The following MYH11 variants were observed in gnomAD, a reference collection of about 807,000 sequenced individuals.
MYH11 encodes myosin-11.
In MYH11, 80 loss-of-function variants were observed where a neutral mutation model predicts 246.6. The ratio of observed to expected loss-of-function variants is 0.32; its 90% confidence interval spans 0.27 to 0.39. The LOEUF is 0.39. MYH11 is among the 10% of genes least tolerant of loss of function. The pLI is 1.00. For synonymous variants in MYH11, 1,071 were observed against 1,015.5 expected (o/e 1.05, Z -1.04); for missense variants, 2,158 against 2,546.8 (o/e 0.85, Z 3.29).
intron 3 of MYH11, among the ~76,000 whole-genome samples, chr16:15,819,112 T>C (rs1019229838): frequency 6.6e-6 from 1 of 152,088 alleles, no homozygotes; most frequent in African/African-American, 2.4e-5. Flanking sequence ...TGGCCTCAAG[T>C]GATCCTCCTG....
chr16:15,707,677 A>G (rs1464194975), intron 40 of MYH11, among the ~76,000 whole-genome samples: 1 of 152,210 alleles, frequency 6.6e-6, no homozygotes, highest in East Asian at 1.9e-4. Context: ...TCAGATCCAC[A>G]TGGCCTAACT....
At chr16:15,788,538 G>T (rs935594999) in intron 4 of MYH11, among the ~76,000 whole-genome samples, 1 of 151,338 alleles carries the variant, frequency 6.6e-6, no homozygotes, top group African/African-American at 2.4e-5. Flanking sequence ...TAGAAGAAAA[G>T]AAAAAAGAAA....
chr16:15,761,203 C>T (rs976808807), intron 10 of MYH11, among the ~76,000 whole-genome samples: 8 of 151,742 alleles, frequency 5.3e-5, no homozygotes, highest in East Asian at 3.9e-4. Flanking sequence ...CTCCGCCTTC[C>T]GGGTTCAAGC....
In MYH11 at chr16:15,714,997, G is replaced by T; in HGVS notation, c.5698C>A (p.Arg1900Ser). ...TCCAGCTCCCGCTGCAGCTTCCTGC[G>T]GTTGGCGTTGATGCGCTGGGACTCC... ...EEESQRINANRRKLQRELDEA... is the reference protein window; with the variant it reads ...EEESQRINANSRKLQRELDEA... Residue 1900 changes from arginine (R) to serine (S), a missense_variant, in exon 40 of 41, where the codon CGC becomes AGC. Physicochemically the swap from Arg to Ser is moderately radical, Grantham distance 110 (BLOSUM62 -1). This residue lies in a region of MYH11 where 1,013 missense variants were observed against 993.5 expected (regional missense o/e 1.02). Coordinates refer to ENST00000300036, the MANE Select transcript of MYH11 (RefSeq NM_002474.3). The T allele has an allele frequency of 6.2e-7, 1 of 1,614,006 alleles. No individual in the cohort carries two copies. Among genetic ancestry groups the T allele is most frequent in the Non-Finnish European group, 8.5e-7 (1 of 1,180,020 alleles).
At position 15,749,900 on chromosome 16, in the gene MYH11, T is replaced by C. The variant is rs549620699; in HGVS notation, c.2058+238A>G. Reference sequence around the variant, plus strand: ...AGTGAATACTTCCTGGGATAATGAATGAATGAGTGGCTGGATGACCTGCAC... The same window carrying C: ...AGTGAATACTTCCTGGGATAATGAACGAATGAGTGGCTGGATGACCTGCAC... On this transcript the variant is annotated intron_variant, in intron 16 of 40. Coordinates refer to ENST00000300036, the MANE Select transcript of MYH11 (RefSeq NM_002474.3). The C allele has an allele frequency of 1.3e-5, 8 of 605,844 alleles. No individual in the cohort carries two copies. In the South Asian group the frequency reaches 1.4e-4, roughly 11 times the overall value. The allele number at this position is 605,844 out of a possible 1,614,324, so 37.5% of individuals were successfully genotyped here.
At chr16:15,737,788 T>C (rs1265182877) in intron 24 of MYH11, among the ~76,000 whole-genome samples, 168 bp from the exon 25 acceptor site, 2 of 152,148 alleles carry the variant, frequency 1.3e-5, no homozygotes, top group African/African-American at 4.8e-5. Flanking sequence ...CACCTTATAT[T>C]GTCATAATAT....
intron 20 of MYH11, 156 bp from the exon 21 acceptor site, chr16:15,742,047 G>A (rs1337835443): frequency 1.7e-6 from 2 of 1,202,926 alleles, no homozygotes; most frequent in Admixed American, 2.0e-5. Context: ...GTCACAGCTG[G>A]GGTGGGGGGT....
chr16:15,706,996 A>C (rs2039491401), intron 40 of MYH11, among the ~76,000 whole-genome samples: 1 of 152,158 alleles, frequency 6.6e-6, no homozygotes, highest in Admixed American at 6.5e-5. Flanking sequence ...ACAGGAACTA[A>C]GGGACCCCCC....
At chr16:15,849,854 C>G (rs2044286656) in intron 1 of MYH11, among the ~76,000 whole-genome samples, 1 of 152,166 alleles carries the variant, frequency 6.6e-6, no homozygotes, top group Non-Finnish European at 1.5e-5. Context: ...CTGGGTGACT[C>G]TGGACAAGTC....
At chr16:15,789,659 A>G (rs1312953835) in intron 4 of MYH11, among the ~76,000 whole-genome samples, 1 of 152,220 alleles carries the variant, frequency 6.6e-6, no homozygotes, top group East Asian at 1.9e-4. Context: ...ACTTGCCCCA[A>G]TCAATGAACC....
At chr16:15,837,862 T>C in intron 2 of MYH11, 46 bp downstream of exon 2, 2 of 1,547,382 alleles carry the variant, frequency 1.3e-6, no homozygotes, top group Non-Finnish European at 1.8e-6. Context: ...ATGCCTACTT[T>C]CCTTATGAGG....
intron 6 of MYH11, among the ~76,000 whole-genome samples, chr16:15,780,473 G>GTTTTTTTT (rs2042325381): frequency 1.9e-5 from 1 of 51,714 alleles, no homozygotes; most frequent in Admixed American, 2.4e-4. Flanking sequence ...AGATTTTTAC[G>GTTTTTTTT]CTTTTTTTTT....
intron 27 of MYH11, among the ~76,000 whole-genome samples, chr16:15,728,829 G>T (rs989894916): frequency 6.6e-6 from 1 of 152,120 alleles, no homozygotes; most frequent in African/African-American, 2.4e-5. Context: ...GAACCCAGGA[G>T]GCGGGGGTTG....
intron 2 of MYH11, among the ~76,000 whole-genome samples, chr16:15,828,411 C>T (rs2043628679): frequency 6.6e-6 from 1 of 152,182 alleles, no homozygotes; most frequent in African/African-American, 2.4e-5. Flanking sequence ...CATCTTCCCA[C>T]AGCTGGTTCC....
rs1480390443 is a variant in MYH11, at chr16:15,708,852, G to T, written c.5787-4729C>A. 3 of 1,607,966 alleles carry T rather than the reference G, an allele frequency of 1.9e-6. No homozygotes were observed. Among genetic ancestry groups the T allele is most frequent in the Non-Finnish European group, 2.5e-6 (3 of 1,177,010 alleles). On this transcript the variant is annotated intron_variant, in intron 40 of 40. Coordinates refer to ENST00000300036, the MANE Select transcript of MYH11 (RefSeq NM_002474.3). The stretch of plus-strand genomic sequence containing the variant: ...TGTGGGGGGGGCCCTCTGAAACAGA[G>T]AGAGAATCCCCGGAGGTTACCATCA...
chr16:15,802,062 T>G (rs895888908), intron 3 of MYH11, among the ~76,000 whole-genome samples: 1 of 152,196 alleles, frequency 6.6e-6, no homozygotes, highest in African/African-American at 2.4e-5. Flanking sequence ...TCTATCCTGG[T>G]TATGTTTGTG....
Position 15,720,215 on chromosome 16 carries a change from T to A in MYH11, c.4889A>T (p.Glu1630Val). 2 of 1,614,118 alleles carry A rather than the reference T, an allele frequency of 1.2e-6. No homozygotes were observed. The highest frequency in any genetic ancestry group is 1.7e-6 in the Non-Finnish European group (2 of 1,180,020). Residue 1630 changes from glutamate (E) to valine (V), a missense_variant, in exon 34 of 41, where the codon GAG (glutamate) becomes GTG (valine). Coordinates refer to ENST00000300036, the MANE Select transcript of MYH11 (RefSeq NM_002474.3). ...CTTGATGGCAGAGTCGGCCTGAAGC[T>A]CCAGGTCTTTCAGGTCCCCTTCCAG... Reference protein sequence around the residue: ...KKLEGDLKDLELQADSAIKGR... With the variant: ...KKLEGDLKDLVLQADSAIKGR...
chr16:15,787,518 C>G (rs912013608), intron 4 of MYH11, among the ~76,000 whole-genome samples: 8 of 135,770 alleles, frequency 5.9e-5, no homozygotes, highest in African/African-American at 2.2e-4. Context: ...GAGTCTCACT[C>G]TGTCCCCAGG....
At chr16:15,768,513 G>C (rs763873234) in intron 9 of MYH11, among the ~76,000 whole-genome samples, 2 of 152,042 alleles carry the variant, frequency 1.3e-5, no homozygotes, top group African/African-American at 4.8e-5. Flanking sequence ...TTATAAATGG[G>C]GTTGGTGTAC....
Sources: allele counts gnomAD v4.1 joint callset (sites outside exome capture counted in the v4.1 genomes callset), GRCh38; gene constraint gnomAD v4.1.1; regional missense constraint gnomAD v4.1.1; transcripts MANE v1.5; gene names NCBI Gene and HGNC (gene_info 2026-07-23, HGNC 2026-07-21).